The following CALB1 variants were observed in gnomAD, a reference collection of about 807,000 sequenced individuals.
CALB1 encodes calbindin 1.
In CALB1, 16 loss-of-function variants were observed where a neutral mutation model predicts 46.7. The ratio of observed to expected loss-of-function variants is 0.34; its 90% CI spans 0.23 to 0.52. CALB1 has a LOEUF of 0.52. Ranked by LOEUF, CALB1 falls within the 20% of genes least tolerant of loss-of-function variation. The pLI is 0.95. For missense variants in CALB1, 224 were observed against 300.3 expected (o/e 0.75, Z 1.88); for synonymous variants, 90 against 112.8 (o/e 0.80, Z 1.28).
At chr8:90,070,009 A>C (rs1814479834) in intron 3 of CALB1, among the ~76,000 whole-genome samples, 1 of 149,376 alleles carries the variant, frequency 6.7e-6, no homozygotes, top group Non-Finnish European at 1.5e-5. Flanking sequence ...AGGATTCCAT[A>C]TCCCATTTTA....
rs1814757092 is a variant in CALB1 at position 90,082,789 on chromosome 8, T to C, written c.-92A>G. On this transcript the variant is annotated 5_prime_UTR_variant, in exon 1 of 11. Coordinates refer to ENST00000265431, the MANE Select transcript of CALB1 (RefSeq NM_004929.4). ...AGCAAAAGCTCAGCGTGTGCGCGAG[T>C]CAGGGCTGCGGAGGGAGACCTGGGC... 1.6e-6 allele frequency: 2 copies of C among 1,286,776 alleles called. No homozygotes were observed. Among genetic ancestry groups the C allele is most frequent in the Non-Finnish European group, 2.3e-6 (2 of 884,072 alleles). The allele number at this position is 1,286,776 out of a possible 1,614,324, so 79.7% of individuals were successfully genotyped here. A position where few individuals can be genotyped will look rare whatever the true frequency, so the allele number is the denominator to read the frequency against.
intron 2 of CALB1, among the ~76,000 whole-genome samples, chr8:90,079,274 A>G (rs774208679): frequency 6.6e-6 from 1 of 152,006 alleles, no homozygotes; most frequent in African/African-American, 2.4e-5. Context: ...ATAGGTTAAT[A>G]TAATTAAAGG....
chr8:90,081,994 T>TA, intron 2 of CALB1, 32 bp downstream of exon 2: 2 of 1,576,750 alleles, frequency 1.3e-6, no homozygotes, highest in Non-Finnish European at 1.7e-6. Flanking sequence ...GGGTTAAAAG[T>TA]CTTTTTTTCT....
intron 3 of CALB1, among the ~76,000 whole-genome samples, chr8:90,077,078 T>C (rs1302942396): frequency 6.6e-6 from 1 of 152,040 alleles, no homozygotes; most frequent in Non-Finnish European, 1.5e-5. Context: ...ATTTCCAAAC[T>C]AGTTTTGAAT....
intron 6 of CALB1, 98 bp from the exon 7 acceptor site, chr8:90,063,559 T>A (rs1470149957): frequency 1.0e-6 from 1 of 981,406 alleles, no homozygotes; most frequent in African/African-American, 1.6e-5. Context: ...TATCAACTAC[T>A]TGTATATATG....
At chr8:90,062,406 A>C (rs1224562381) in intron 9 of CALB1, 1 of 152,040 alleles carries the variant, frequency 6.6e-6, no homozygotes, top group Admixed American at 6.6e-5. Flanking sequence ...AAAGCAGCCT[A>C]CAGAATGGGA....
chr8:90,081,507 G>T (rs1405164566), intron 2 of CALB1: 1 of 976,004 alleles, frequency 1.0e-6, no homozygotes, highest in Non-Finnish European at 1.2e-6. Flanking sequence ...TCCATAATCT[G>T]CAGATCTGTT....
chr8:90,066,912 T>C (rs572321684), intron 5 of CALB1, among the ~76,000 whole-genome samples: 1 of 152,254 alleles, frequency 6.6e-6, no homozygotes, highest in South Asian at 2.1e-4. Context: ...ATTTCTTTGA[T>C]TTAGCAATGA....
intron 3 of CALB1, among the ~76,000 whole-genome samples, chr8:90,074,372 G>T (rs1226841111): frequency 6.6e-6 from 1 of 152,102 alleles, no homozygotes; most frequent in Non-Finnish European, 1.5e-5. Flanking sequence ...GGAAACAGAG[G>T]CTCAAAGAGG....
intron 8 of CALB1, 56 bp from the exon 9 acceptor site, chr8:90,063,209 T>C (rs1814334644): frequency 6.5e-7 from 1 of 1,534,694 alleles, no homozygotes; most frequent in Non-Finnish European, 9.0e-7. Context: ...TTCAGTATGT[T>C]TCCCTTGACA....
intron 6 of CALB1, among the ~76,000 whole-genome samples, chr8:90,065,332 A>G (rs1413386073): frequency 2.0e-5 from 3 of 151,800 alleles, no homozygotes; most frequent in Middle Eastern, 6.8e-3. Context: ...TATTTACCAT[A>G]GCATCAACCT....
chr8:90,066,889 A>G (rs1814410767), intron 5 of CALB1, among the ~76,000 whole-genome samples: 1 of 152,120 alleles, frequency 6.6e-6, no homozygotes, highest in South Asian at 2.1e-4. Flanking sequence ...CCCAGATATT[A>G]TTGAAGGATT....
chr8:90,060,954 A>T (rs926661330), intron 9 of CALB1: 1 of 437,516 alleles, frequency 2.3e-6, no homozygotes, highest in African/African-American at 2.0e-5. Flanking sequence ...CATGTAATTC[A>T]CTTAATGTTA....
intron 1 of CALB1, 74 bp from the exon 2 acceptor site, chr8:90,082,176 G>T (rs1360071694): frequency 5.2e-6 from 7 of 1,349,396 alleles, no homozygotes; most frequent in Non-Finnish European, 6.3e-6. Flanking sequence ...TTCCAAGACA[G>T]TTATCTTTCT....
chr8:90,078,915 T>C (rs1210915901), intron 2 of CALB1, among the ~76,000 whole-genome samples: 1 of 152,052 alleles, frequency 6.6e-6, no homozygotes, highest in African/African-American at 2.4e-5. Context: ...AAGCAAAAAA[T>C]GTGAATGTTA....
chr8:90,066,820 T>G (rs553982165), intron 5 of CALB1, among the ~76,000 whole-genome samples: 1 of 152,182 alleles, frequency 6.6e-6, no homozygotes, highest in East Asian at 1.9e-4. Context: ...CATTCGTAAC[T>G]CCTTTATTTT....
At chr8:90,080,041 C>T (rs1814700139) in intron 2 of CALB1, among the ~76,000 whole-genome samples, 1 of 151,778 alleles carries the variant, frequency 6.6e-6, no homozygotes, top group African/African-American at 2.4e-5. Context: ...ACTCTGAATC[C>T]ACATCTTGAT....
intron 1 of CALB1, 163 bp from the exon 2 acceptor site, chr8:90,082,265 G>T (rs1434365052): frequency 3.1e-6 from 2 of 640,494 alleles, no homozygotes; most frequent in Non-Finnish European, 5.4e-6. Flanking sequence ...TCCCCTCCTG[G>T]GGTATCAAAC....
chr8:90,081,197 A>C (rs1381670178), intron 2 of CALB1, among the ~76,000 whole-genome samples: 1 of 152,192 alleles, frequency 6.6e-6, no homozygotes, highest in African/African-American at 2.4e-5. Context: ...TTATTTGTTT[A>C]ATTAACTAAT....
Sources: gnomAD v4.1 joint callset for allele counts (sites outside exome capture counted in the v4.1 genomes callset) on GRCh38, gnomAD v4.1.1 for gene constraint, MANE v1.5 for transcripts, NCBI Gene and HGNC (gene_info 2026-07-23, HGNC 2026-07-21) for gene names.